MGME1: variants seen among roughly 807,000 people sequenced by gnomAD.
The protein encoded by MGME1 is chromosome 20 open reading frame 72.
Under a neutral mutation model 33.0 loss-of-function variants are expected in MGME1, and 22 were observed. The observed-to-expected ratio is 0.67, with a 90% confidence interval of 0.48 to 0.95. The LOEUF (loss-of-function observed/expected upper bound fraction) is 0.95. MGME1 is among the 40% of genes least tolerant of loss of function. MGME1 has a pLI of 0.00. For synonymous variants in MGME1, 133 were observed against 144.0 expected, an observed-to-expected ratio of 0.92 and a Z score of 0.55; for missense variants, 383 against 397.8, an observed-to-expected ratio of 0.96 and a Z score of 0.32.
In MGME1 at chr20:17,970,040, T is replaced by G; in HGVS notation, c.181T>G (p.Ser61Ala). ...KYSNLVQSVLSSRGVAQTPGS... is the reference protein window; with the variant it reads ...KYSNLVQSVLASRGVAQTPGS... ...CTCTAATTTAGTTCAGTCTGTCTTG[T>G]CATCCAGAGGCGTCGCCCAGACCCC... is the stretch of plus-strand genomic sequence containing the variant. The change falls in exon 2 of 5, where the codon TCA becomes GCA. Residue 61 changes from serine (S) to alanine (A), a missense_variant. By Grantham distance (99) the Ser-to-Ala change is moderately conservative. Transcript: ENST00000377710. 2 of 1,614,198 alleles carry G rather than the reference T, an allele frequency of 1.2e-6. No individual in the cohort carries two copies. The highest frequency in any genetic ancestry group is 1.7e-6 in the Non-Finnish European group (2 of 1,180,024).
intron 3 of MGME1, among the ~76,000 whole-genome samples, chr20:17,985,118 C>T (rs1320566752): frequency 6.7e-6 from 1 of 148,636 alleles, no homozygotes. Flanking sequence ...AGTATTATTA[C>T]AAGAGTCAAT....
chr20:17,990,196 G>A lies in MGME1; in HGVS notation c.*87G>A, dbSNP rs112187317. ...GTTTACTCCAGTGTAAAAATGAGGT[G>A]CCACTGGATCTGAGTGCTACACGAA... On this transcript the variant is annotated 3_prime_UTR_variant, in exon 5 of 5. Coordinates refer to ENST00000377710, the MANE Select transcript of MGME1 (RefSeq NM_052865.4). 1.2e-3 allele frequency: 1,352 copies of A among 1,151,556 alleles called. 10 individuals carry two copies. In the African/African-American group the frequency reaches 0.019, roughly 16 times the overall value. 71.3% of individuals were successfully genotyped at this position (1,151,556 alleles called of 1,614,324 possible).
At chr20:17,989,641 C>A (rs182913900) in intron 4 of MGME1, among the ~76,000 whole-genome samples, 1 of 150,704 alleles carries the variant, frequency 6.6e-6, no homozygotes, top group Non-Finnish European at 1.5e-5. Context: ...CCAGCCTGGA[C>A]GATGGGAGTG....
chr20:17,977,067 T>C (rs745541781), intron 3 of MGME1, among the ~76,000 whole-genome samples: 4 of 151,824 alleles, frequency 2.6e-5, no homozygotes, highest in Non-Finnish European at 5.9e-5. Flanking sequence ...GGTTCTTCGA[T>C]CTCGGGCAAG....
intron 2 of MGME1, 70 bp downstream of exon 2, chr20:17,970,440 A>T: frequency 2.7e-6 from 4 of 1,491,714 alleles, no homozygotes; most frequent in Non-Finnish European, 3.6e-6. Flanking sequence ...GTGTCAAAAG[A>T]ATGAGGTTTG....
intron 2 of MGME1, among the ~76,000 whole-genome samples, chr20:17,973,317 C>G (rs988450195): frequency 1.3e-5 from 2 of 151,406 alleles, no homozygotes; most frequent in Non-Finnish European, 2.9e-5. Flanking sequence ...GCACTCCAGC[C>G]TGGAAAAAAA....
In MGME1 at chr20:17,969,962, T is replaced by A. The variant is rs777352316; in HGVS notation, c.103T>A (p.Cys35Ser). 57 of 1,614,068 alleles carry A rather than the reference T, an allele frequency of 3.5e-5. No individual in the cohort carries two copies. The highest frequency in any genetic ancestry group is 4.7e-5 in the Non-Finnish European group (56 of 1,180,036). ...GGCTTTCTCTACTTCCTCTTACTCATGTGGCCGGAAGAAAAAAGTGAACCC... is the reference window on the plus strand; with the variant it reads ...GGCTTTCTCTACTTCCTCTTACTCAAGTGGCCGGAAGAAAAAAGTGAACCC... The part of the protein sequence containing the change: ...LVAFSTSSYS[C>S]GRKKKVNPYE... The change falls in exon 2 of 5, where the codon TGT (cysteine) becomes AGT (serine). Residue 35 changes from cysteine (C) to serine (S), a missense_variant. Transcript: ENST00000377710.
rs1344460144 is a variant in MGME1, at chr20:17,985,962, G to A, written c.732-2204G>A. On this transcript the variant is annotated intron_variant, in intron 3 of 4. Coordinates refer to ENST00000377710, the MANE Select transcript of MGME1 (RefSeq NM_052865.4). ...TGAAATCAGGCAGTGTGATGCCTCCGACTTCATTCTTTTCACTCAAGATTG... is the reference window on the plus strand; with the variant it reads ...TGAAATCAGGCAGTGTGATGCCTCCAACTTCATTCTTTTCACTCAAGATTG... 4.6e-5 allele frequency among the ~76,000 whole-genome samples: 7 copies of A among 152,138 alleles called. No individual in the cohort carries two copies. The East Asian group carries it at 5.8e-4, about 13-fold the overall frequency.
intron 3 of MGME1, among the ~76,000 whole-genome samples, chr20:17,980,847 C>T (rs942743750): frequency 2.0e-5 from 3 of 151,988 alleles, no homozygotes; most frequent in Admixed American, 1.3e-4. Flanking sequence ...TTATATAGAT[C>T]TGTAACATTC....
chr20:17,971,603 A>G (rs1250080249), intron 2 of MGME1, among the ~76,000 whole-genome samples: 3 of 152,230 alleles, frequency 2.0e-5, no homozygotes, highest in African/African-American at 4.8e-5. Flanking sequence ...CAGGGCCTGT[A>G]GCTCTTGGCA....
In MGME1 at chr20:17,990,167, T is replaced by A. The variant is rs757174288; in HGVS notation, c.*58T>A. The A allele has an allele frequency of 3.1e-5, 45 of 1,458,296 alleles. No homozygotes were observed. The highest frequency in any genetic ancestry group is 3.9e-5 in the Non-Finnish European group (41 of 1,039,750). The allele number at this position is 1,458,296 out of a possible 1,614,324, so 90.3% of individuals were successfully genotyped here. ...CTTCTCACAGTTTGGGAACATATATTGCTGTTTACTCCAGTGTAAAAATGA... is the reference window on the plus strand; with the variant it reads ...CTTCTCACAGTTTGGGAACATATATAGCTGTTTACTCCAGTGTAAAAATGA... On this transcript the variant is annotated 3_prime_UTR_variant, in exon 5 of 5. Transcript: ENST00000377710.
In MGME1 at chr20:17,969,995, G is replaced by T. The variant is rs953245557; in HGVS notation, c.136G>T (p.Glu46Ter). 1 of 1,614,162 alleles carries T rather than the reference G, an allele frequency of 6.2e-7. No individual in the cohort carries two copies. Among genetic ancestry groups the T allele is most frequent in the Non-Finnish European group, 8.5e-7 (1 of 1,180,026 alleles). The change falls in exon 2 of 5, where the codon GAA (glutamate) becomes TAA (stop). Residue 46 changes from glutamate (E) to a stop codon, truncating the protein, a stop_gained. Coordinates refer to ENST00000377710, the MANE Select transcript of MGME1 (RefSeq NM_052865.4). LOFTEE classifies it high-confidence loss of function. ...GRKKKVNPYE[E>*]VDQEKYSNLV... ...GAAGAAAAAAGTGAACCCATATGAA[G>T]AAGTGGACCAAGAAAAATACTCTAA...
chr20:17,975,762 A>G lies in MGME1; in HGVS notation c.590A>G (p.Asp197Gly). 6.2e-7 allele frequency: 1 copy of G among 1,614,102 alleles called. No individual in the cohort carries two copies. The highest frequency in any genetic ancestry group is 8.5e-7 in the Non-Finnish European group (1 of 1,180,000). The change falls in exon 3 of 5, where the codon GAT becomes GGT. Residue 197 changes from aspartate (D) to glycine (G), a missense_variant. Coordinates refer to ENST00000377710, the MANE Select transcript of MGME1 (RefSeq NM_052865.4). ...CCCCAGGAAACCTTAAAAGAGAGAG[A>G]TGAAAATCTCCTCAAGTCTGGTTAC... is the stretch of plus-strand genomic sequence containing the variant. ...LSPQETLKER[D>G]ENLLKSGYIE...
chr20:17,970,322 C>G lies in MGME1; in HGVS notation c.463C>G (p.Arg155Gly), dbSNP rs888764271. Residue 155 changes from arginine (R) to glycine (G), a missense_variant, in exon 2 of 5, where the codon CGG becomes GGG. Physicochemically the swap from Arg to Gly is moderately radical, Grantham distance 125. Coordinates refer to ENST00000377710, the MANE Select transcript of MGME1 (RefSeq NM_052865.4). Reference protein sequence around the residue: ...QVFLLERWKQRMILELGEDGF... With the variant: ...QVFLLERWKQGMILELGEDGF... ...TTTCTTGTTGGAGAGGTGGAAACAG[C>G]GGATGATTCTGGAACTGGGAGAAGA... 11 of 1,613,860 alleles carry G rather than the reference C, an allele frequency of 6.8e-6. No individual in the cohort carries two copies. Among genetic ancestry groups the G allele is most frequent in the Non-Finnish European group, 9.3e-6 (11 of 1,179,972 alleles).
intron 3 of MGME1, among the ~76,000 whole-genome samples, chr20:17,980,279 G>T (rs2122563527): frequency 6.6e-6 from 1 of 151,780 alleles, no homozygotes; most frequent in Non-Finnish European, 1.5e-5. Context: ...GCCTGCCTCG[G>T]CCTCCCAAAG....
intron 3 of MGME1, among the ~76,000 whole-genome samples, chr20:17,986,168 A>G (rs989805607): frequency 3.3e-5 from 5 of 151,942 alleles, no homozygotes; most frequent in Non-Finnish European, 1.5e-5. Flanking sequence ...TCCCAGGTTC[A>G]AGTAATTCTC....
intron 2 of MGME1, among the ~76,000 whole-genome samples, chr20:17,971,174 T>A (rs1365409309): frequency 1.3e-5 from 2 of 152,238 alleles, no homozygotes; most frequent in African/African-American, 4.8e-5. Context: ...TCTATTTAAG[T>A]CGTCTTTTCC....
chr20:17,970,594 C>G (rs138965459), intron 2 of MGME1, among the ~76,000 whole-genome samples: 2 of 152,218 alleles, frequency 1.3e-5, no homozygotes, highest in African/African-American at 4.8e-5. Flanking sequence ...ACAGATGAAA[C>G]TAAAATAGAT....
At position 17,990,159 on chromosome 20, in the gene MGME1, A is replaced by G; in HGVS notation, c.*50A>G. On this transcript the variant is annotated 3_prime_UTR_variant, in exon 5 of 5. Transcript: ENST00000377710. Reference sequence around the variant, plus strand: ...TTCAGCACCTTCTCACAGTTTGGGAACATATATTGCTGTTTACTCCAGTGT... The same window carrying G: ...TTCAGCACCTTCTCACAGTTTGGGAGCATATATTGCTGTTTACTCCAGTGT... The G allele has an allele frequency of 6.5e-7, 1 of 1,535,454 alleles. No homozygotes were observed. Among genetic ancestry groups the G allele is most frequent in the Non-Finnish European group, 9.0e-7 (1 of 1,109,038 alleles).
Sources: allele counts gnomAD v4.1 joint callset (sites outside exome capture counted in the v4.1 genomes callset), GRCh38; gene constraint gnomAD v4.1.1; transcripts MANE v1.5; gene names NCBI Gene and HGNC (gene_info 2026-07-23, HGNC 2026-07-21).